The following TBC1D32 variants were observed in gnomAD, a reference collection of about 807,000 sequenced individuals.
TBC1D32 encodes the protein TBC1 domain family member 32.
A neutral mutation model predicts 170.3 loss-of-function variants in TBC1D32; 151 were observed. The ratio of observed to expected loss-of-function variants is 0.89; its 90% CI spans 0.78 to 1.01. The LOEUF is 1.01. Ranked by LOEUF, TBC1D32 falls within the 50% of genes least tolerant of loss-of-function variation. TBC1D32 has a pLI of 0.00. For missense variants in TBC1D32, 1,464 were observed against 1,457.1 expected, an observed-to-expected ratio of 1.00 and a Z score of -0.08; for synonymous variants, 498 against 488.0, an observed-to-expected ratio of 1.02 and a Z score of -0.27.
intron 1 of TBC1D32, among the ~76,000 whole-genome samples, chr6:121,333,381 C>T (rs887985634): frequency 2.6e-5 from 4 of 152,098 alleles, no homozygotes; most frequent in Non-Finnish European, 4.4e-5. Context: ...ACCTCTTTTT[C>T]CTACTGCTCC....
intron 2 of TBC1D32, among the ~76,000 whole-genome samples, chr6:121,318,515 C>CA (rs1021647039): frequency 1.3e-5 from 2 of 151,152 alleles, no homozygotes; most frequent in Non-Finnish European, 3.0e-5. Flanking sequence ...ATATTTAAAA[C>CA]AAAAAAGGCA....
intron 25 of TBC1D32, 22 bp from the exon 26 acceptor site, chr6:121,126,483 T>A (rs1189662308): frequency 1.3e-6 from 2 of 1,552,446 alleles, no homozygotes; most frequent in South Asian, 2.3e-5. Flanking sequence ...AAAGGAATAA[T>A]TAGGATATTA....
At chr6:121,260,752 C>G (rs1225172825) in intron 15 of TBC1D32, among the ~76,000 whole-genome samples, 3 of 152,200 alleles carry the variant, frequency 2.0e-5, no homozygotes, top group African/African-American at 7.2e-5. Flanking sequence ...TCATCCTAGG[C>G]CTGCCAAGTT....
intron 5 of TBC1D32, among the ~76,000 whole-genome samples, chr6:121,307,387 T>A (rs922391380): frequency 6.6e-6 from 1 of 151,700 alleles, no homozygotes; most frequent in African/African-American, 2.4e-5. Context: ...AAAAACAAAA[T>A]GAAACAAAAA....
intron 24 of TBC1D32, among the ~76,000 whole-genome samples, chr6:121,156,957 T>C (rs1784977885): frequency 6.6e-6 from 1 of 152,140 alleles, no homozygotes; most frequent in African/African-American, 2.4e-5. Flanking sequence ...ATGTTGCATG[T>C]GTAGAAGACA....
At chr6:121,179,538 G>T (rs1788240673) in intron 22 of TBC1D32, among the ~76,000 whole-genome samples, 1 of 151,804 alleles carries the variant, frequency 6.6e-6, no homozygotes, top group African/African-American at 2.4e-5. Flanking sequence ...AAAAGGACAG[G>T]ATCTATATGA....
intron 22 of TBC1D32, among the ~76,000 whole-genome samples, chr6:121,161,446 T>C (rs1370817996): frequency 1.3e-5 from 2 of 152,176 alleles, no homozygotes; most frequent in South Asian, 2.1e-4. Flanking sequence ...AGTGAGAACA[T>C]AGAGTATTTG....
At chr6:121,303,556 T>C in intron 9 of TBC1D32, 61 bp downstream of exon 9, 3 of 1,267,748 alleles carry the variant, frequency 2.4e-6, no homozygotes, top group Non-Finnish European at 3.1e-6. Flanking sequence ...AAACATTAAC[T>C]ATTTATTAAA....
intron 9 of TBC1D32, among the ~76,000 whole-genome samples, chr6:121,301,465 C>T (rs1806468207): frequency 6.6e-6 from 1 of 152,104 alleles, no homozygotes; most frequent in Non-Finnish European, 1.5e-5. Flanking sequence ...CGTGTTCTCA[C>T]TCATAAGTGA....
At chr6:121,309,497 A>G (rs989193167) in intron 4 of TBC1D32, among the ~76,000 whole-genome samples, 3 of 152,198 alleles carry the variant, frequency 2.0e-5, no homozygotes, top group African/African-American at 7.2e-5. Context: ...GGAGTAAATC[A>G]CAACTATTCA....
At chr6:121,239,679 C>A (rs1583346755) in intron 19 of TBC1D32, among the ~76,000 whole-genome samples, 1 of 151,988 alleles carries the variant, frequency 6.6e-6, no homozygotes, top group Non-Finnish European at 1.5e-5. Flanking sequence ...TAATTCCATA[C>A]ACTAAGAAGA....
At chr6:121,216,494 T>C (rs1462494370) in intron 21 of TBC1D32, among the ~76,000 whole-genome samples, 2 of 152,204 alleles carry the variant, frequency 1.3e-5, no homozygotes, top group Non-Finnish European at 2.9e-5. Flanking sequence ...AAGGTTGGAA[T>C]TCTTTCATTG....
chr6:121,256,251 T>C lies in TBC1D32; in HGVS notation c.1768A>G (p.Lys590Glu). ...GAAATATCTTCATCGAGAAGTTTTTTCGAAAACTGGGCAATTATATGAGCA... is the reference window on the plus strand; with the variant it reads ...GAAATATCTTCATCGAGAAGTTTTTCCGAAAACTGGGCAATTATATGAGCA... ...TGAHIIAQFS[K>E]KLLDEDISIF... is the part of the protein sequence containing the mutation. Residue 590 changes from lysine to glutamate, a missense_variant, in exon 16 of 32, where the codon AAA becomes GAA. Physicochemically the swap from Lys to Glu is moderately conservative, Grantham distance 56. Transcript: ENST00000398212. 6 of 1,613,556 alleles carry C rather than the reference T, an allele frequency of 3.7e-6. No individual in the cohort carries two copies. The highest frequency in any genetic ancestry group is 5.1e-6 in the Non-Finnish European group (6 of 1,179,856).
At chr6:121,139,480 G>A (rs1401462140) in intron 24 of TBC1D32, among the ~76,000 whole-genome samples, 2 of 152,036 alleles carry the variant, frequency 1.3e-5, no homozygotes, top group East Asian at 1.9e-4. Flanking sequence ...AGACATGAAC[G>A]GAGACTTAAT....
intron 20 of TBC1D32, among the ~76,000 whole-genome samples, chr6:121,229,865 G>A (rs892994811): frequency 1.5e-4 from 23 of 151,944 alleles, no homozygotes; most frequent in African/African-American, 4.8e-4. Context: ...TTGGATCATG[G>A]GTGCAGTTCC....
chr6:121,152,742 C>T (rs866267493), intron 24 of TBC1D32, among the ~76,000 whole-genome samples: 1 of 152,070 alleles, frequency 6.6e-6, no homozygotes, highest in African/African-American at 2.4e-5. Context: ...TGCTTTATTT[C>T]ATGAAGCTCA....
intron 16 of TBC1D32, among the ~76,000 whole-genome samples, 153 bp downstream of exon 16, chr6:121,255,931 A>G (rs555670209): frequency 1.3e-5 from 2 of 152,300 alleles, no homozygotes; most frequent in Non-Finnish European, 2.9e-5. Context: ...CCTGTGCCAA[A>G]TTAAGATGCA....
chr6:121,101,464 T>C (rs905458353), intron 30 of TBC1D32, among the ~76,000 whole-genome samples: 1 of 152,026 alleles, frequency 6.6e-6, no homozygotes, highest in Admixed American at 6.6e-5. Context: ...ATCCATCACA[T>C]AAACTGAACC....
At chr6:121,278,859 A>C (rs919235769) in intron 15 of TBC1D32, among the ~76,000 whole-genome samples, 1 of 151,882 alleles carries the variant, frequency 6.6e-6, no homozygotes, top group Non-Finnish European at 1.5e-5. Flanking sequence ...TCTTTGCACA[A>C]CTTTGGTTTG....
Sources: gnomAD v4.1 joint callset for allele counts (sites outside exome capture counted in the v4.1 genomes callset) on GRCh38, gnomAD v4.1.1 for gene constraint, MANE v1.5 for transcripts, NCBI Gene and HGNC (gene_info 2026-07-23, HGNC 2026-07-21) for gene names.